DHRSX: variants seen among roughly 807,000 people sequenced by gnomAD.
DHRSX encodes polyprenol dehydrogenase.
DHRSX carries 31 observed loss-of-function variants against 34.0 expected under a neutral mutation model. That is an observed-to-expected ratio of 0.91 (90% CI 0.69 to 1.23). DHRSX has a LOEUF of 1.23. Ranked by LOEUF, DHRSX falls within the 50% of genes most tolerant of loss-of-function variation. The pLI is 0.00. For missense variants in DHRSX, 414 were observed against 428.1 expected (o/e 0.97, Z 0.29); for synonymous variants, 201 against 183.8 (o/e 1.09, Z -0.76).
intron 1 of DHRSX, among the ~76,000 whole-genome samples, chrX:2,471,608 A>T (rs1267997948): frequency 6.6e-6 from 1 of 152,014 alleles, no homozygotes; most frequent in Non-Finnish European, 1.5e-5. Context: ...TACACTGTGA[A>T]AAAAGATCTG....
At chrX:2,246,617 T>C (rs1416737804) in intron 5 of DHRSX, among the ~76,000 whole-genome samples, 1 of 136,340 alleles carries the variant, frequency 7.3e-6, no homozygotes, top group Non-Finnish European at 1.5e-5. Flanking sequence ...AGTGAAAGTC[T>C]GTCAAAAAAA....
At chrX:2,491,439 G>T (rs1295623928) in intron 1 of DHRSX, among the ~76,000 whole-genome samples, 2 of 152,144 alleles carry the variant, frequency 1.3e-5, no homozygotes, top group African/African-American at 4.8e-5. Context: ...CCTGCCACGT[G>T]GGAAAGCTGC....
At chrX:2,499,784 C>T (rs1480931343) in intron 1 of DHRSX, among the ~76,000 whole-genome samples, 1 of 151,932 alleles carries the variant, frequency 6.6e-6, no homozygotes, top group Non-Finnish European at 1.5e-5. Flanking sequence ...GTGGCTCACA[C>T]CTGTAATCCC....
At chrX:2,254,460 A>G (rs1347884555) in intron 5 of DHRSX, among the ~76,000 whole-genome samples, 1 of 152,164 alleles carries the variant, frequency 6.6e-6, no homozygotes, top group Non-Finnish European at 1.5e-5. Context: ...CAATATATTT[A>G]TAAGTATTAT....
At chrX:2,262,190 C>T (rs184355074) in intron 5 of DHRSX, among the ~76,000 whole-genome samples, 5 of 152,312 alleles carry the variant, frequency 3.3e-5, no homozygotes, top group Admixed American at 6.5e-5. Context: ...GCAAACCCTT[C>T]AGCATGGAGC....
chrX:2,465,809 C>CAAAAAAAAAAAAAAAAAAAAAAAAAAAA (rs375728172), intron 1 of DHRSX, among the ~76,000 whole-genome samples: 2 of 84,734 alleles, frequency 2.4e-5, no homozygotes, highest in African/African-American at 4.5e-5. Context: ...AACTCCATCG[C>CAAAAAAAAAAAAAAAAAAAAAAAAAAAA]AAAAAAAAAA....
At position 2,221,038 on chromosome X, in the gene DHRSX, A is replaced by G. The variant is rs183611002; in HGVS notation, c.*3T>C. The G allele has an allele frequency of 4.3e-6, 7 of 1,613,406 alleles. No homozygotes were observed. In the African/African-American group the frequency reaches 6.7e-5, roughly 15 times the overall value. On this transcript the variant is annotated 3_prime_UTR_variant, in exon 7 of 7. Transcript: ENST00000334651. ...GGGGCAGCAGCTATCCTGAGACAGG[A>G]TATCACAGGGTCACATCAAGGACCC...
intron 1 of DHRSX, among the ~76,000 whole-genome samples, chrX:2,483,971 T>C (rs2044816727): frequency 1.3e-5 from 2 of 152,142 alleles, no homozygotes; most frequent in East Asian, 1.9e-4. Context: ...TAAAATTTAG[T>C]GCCCACGAAG....
At chrX:2,448,149 G>A (rs2044163559) in intron 1 of DHRSX, among the ~76,000 whole-genome samples, 2 of 150,468 alleles carry the variant, frequency 1.3e-5, no homozygotes, top group South Asian at 2.1e-4. Context: ...ACCAGCCTGA[G>A]CAACATAGCA....
At chrX:2,294,129 G>C (rs1463772045) in intron 3 of DHRSX, among the ~76,000 whole-genome samples, 2 of 151,770 alleles carry the variant, frequency 1.3e-5, no homozygotes, top group Non-Finnish European at 2.9e-5. Context: ...GGAGGAAAAG[G>C]GGAAGAGAGA....
intron 3 of DHRSX, among the ~76,000 whole-genome samples, chrX:2,385,567 A>G (rs1286895033): frequency 6.6e-6 from 1 of 152,150 alleles, no homozygotes; most frequent in African/African-American, 2.4e-5. Flanking sequence ...ATTCGGGTGT[A>G]GAGCATCTCC....
intron 3 of DHRSX, among the ~76,000 whole-genome samples, chrX:2,294,805 GA>G (rs769699789): frequency 0.017 from 2,153 of 125,052 alleles, 21 homozygotes; most frequent in Middle Eastern, 0.032. Flanking sequence ...GAGAGAGAGA[GA>G]GGAAAAAGAG....
At chrX:2,376,065 T>G (rs2043137187) in intron 3 of DHRSX, among the ~76,000 whole-genome samples, 1 of 137,668 alleles carries the variant, frequency 7.3e-6, no homozygotes, top group African/African-American at 2.5e-5. Context: ...AGGGGCAATT[T>G]TCCTAGGGGC....
At chrX:2,373,384 AGCTAT>A (rs1470805231) in intron 3 of DHRSX, among the ~76,000 whole-genome samples, 3 of 152,178 alleles carry the variant, frequency 2.0e-5, no homozygotes, top group Non-Finnish European at 2.9e-5. Flanking sequence ...CATCTAGGGA[AGCTAT>A]GCTGTGTTCT....
chrX:2,397,393 C>G (rs1371508256), intron 3 of DHRSX, among the ~76,000 whole-genome samples: 1 of 152,190 alleles, frequency 6.6e-6, no homozygotes, highest in African/African-American at 2.4e-5. Context: ...CTCAGCCTCC[C>G]AAAGTGCTGG....
chrX:2,291,378 C>T, intron 4 of DHRSX, 124 bp downstream of exon 4: 1 of 736,750 alleles, frequency 1.4e-6, no homozygotes, highest in East Asian at 2.5e-5. Context: ...CTAGAAATAG[C>T]AGGTATGTTC....
chrX:2,361,854 G>C (rs2042938018), intron 3 of DHRSX, among the ~76,000 whole-genome samples: 2 of 152,140 alleles, frequency 1.3e-5, no homozygotes, highest in South Asian at 4.1e-4. Flanking sequence ...GAACATGCTG[G>C]AGAGGTTCAC....
intron 3 of DHRSX, among the ~76,000 whole-genome samples, chrX:2,325,724 C>G (rs2042378161): frequency 6.6e-6 from 1 of 152,166 alleles, no homozygotes; most frequent in Non-Finnish European, 1.5e-5. Flanking sequence ...CTTGATGGAA[C>G]CAATCTCTGA....
chrX:2,234,891 A>G (rs1477025219), intron 6 of DHRSX, among the ~76,000 whole-genome samples: 2 of 152,040 alleles, frequency 1.3e-5, no homozygotes, highest in Non-Finnish European at 2.9e-5. Flanking sequence ...TTGTATTTTT[A>G]GTAGAGACGG....
Sources: gnomAD v4.1 joint callset for allele counts (sites outside exome capture counted in the v4.1 genomes callset) on GRCh38, gnomAD v4.1.1 for gene constraint, MANE v1.5 for transcripts, NCBI Gene and HGNC (gene_info 2026-07-23, HGNC 2026-07-21) for gene names.